Variants in PRKG1 observed in about 807,000 individuals in gnomAD.
PRKG1 encodes protein kinase cGMP-dependent 1.
Under a neutral mutation model 88.1 loss-of-function variants are expected in PRKG1, and 35 were observed. That is an observed-to-expected ratio of 0.40 (90% CI 0.30 to 0.53). The LOEUF (loss-of-function observed/expected upper bound fraction) is 0.53. PRKG1 is among the 20% of genes least tolerant of loss of function. The pLI is 0.59. For synonymous variants in PRKG1, 303 were observed against 292.5 expected (o/e 1.04, Z -0.37); for missense variants, 540 against 839.8 (o/e 0.64, Z 4.41).
At chr10:51,527,834 A>C (rs1231367212) in intron 3 of PRKG1, among the ~76,000 whole-genome samples, 3 of 152,078 alleles carry the variant, frequency 2.0e-5, no homozygotes, top group Non-Finnish European at 2.9e-5. Flanking sequence ...ATTTCAAACA[A>C]CTCCCGGCAA....
At chr10:51,614,557 G>C (rs1447312023) in intron 3 of PRKG1, among the ~76,000 whole-genome samples, 1 of 151,854 alleles carries the variant, frequency 6.6e-6, no homozygotes, top group South Asian at 2.1e-4. Flanking sequence ...ATGAGATTTT[G>C]TTTCTATCAT....
intron 4 of PRKG1, among the ~76,000 whole-genome samples, chr10:51,826,331 G>A (rs1205930669): frequency 6.6e-6 from 1 of 152,112 alleles, no homozygotes; most frequent in Non-Finnish European, 1.5e-5. Context: ...CCCATGCTGT[G>A]CATACATTTT....
chr10:51,494,137 T>C (rs1840786111), intron 3 of PRKG1, among the ~76,000 whole-genome samples: 1 of 152,182 alleles, frequency 6.6e-6, no homozygotes, highest in Non-Finnish European at 1.5e-5. Flanking sequence ...CATAGCTCAC[T>C]GCACCCTTGA....
intron 2 of PRKG1, among the ~76,000 whole-genome samples, chr10:51,334,490 C>T (rs993357957): frequency 2.0e-5 from 3 of 152,068 alleles, no homozygotes; most frequent in Non-Finnish European, 4.4e-5. Flanking sequence ...TGAAGAGATT[C>T]GTAATTAATG....
chr10:51,855,545 G>A (rs1024297937), intron 4 of PRKG1, among the ~76,000 whole-genome samples: 4 of 152,160 alleles, frequency 2.6e-5, no homozygotes, highest in African/African-American at 9.6e-5. Context: ...CATTCTCTCA[G>A]TCCAAGCAAG....
chr10:51,070,219 C>A (rs1032041458), upstream of PRKG1, among the ~76,000 whole-genome samples: 1 of 152,034 alleles, frequency 6.6e-6, no homozygotes, highest in Non-Finnish European at 1.5e-5. Context: ...TCTGTGACTC[C>A]ATTTTCTCTA....
intron 2 of PRKG1, among the ~76,000 whole-genome samples, chr10:51,466,903 A>G (rs1839921341): frequency 6.6e-6 from 1 of 152,028 alleles, no homozygotes; most frequent in Non-Finnish European, 1.5e-5. Context: ...ATAGGAGAGG[A>G]GAAGTCAGTC....
chr10:51,648,641 G>A (rs368973994), intron 3 of PRKG1, among the ~76,000 whole-genome samples: 33 of 152,026 alleles, frequency 2.2e-4, no homozygotes, highest in African/African-American at 6.8e-4. Context: ...AATTTGCTCT[G>A]TAAATATTTT....
intron 3 of PRKG1, among the ~76,000 whole-genome samples, chr10:51,619,259 A>C (rs1271311287): frequency 6.6e-6 from 1 of 152,182 alleles, no homozygotes; most frequent in African/African-American, 2.4e-5. Context: ...TGAAGAAATC[A>C]ATGTCCCAAG....
chr10:51,478,071 C>T (rs1294760877), intron 3 of PRKG1, among the ~76,000 whole-genome samples: 1 of 151,968 alleles, frequency 6.6e-6, no homozygotes, highest in East Asian at 1.9e-4. Context: ...GTCCCATAGT[C>T]CTGTTGCCAT....
At chr10:51,529,527 C>T (rs1841963085) in intron 3 of PRKG1, among the ~76,000 whole-genome samples, 1 of 152,126 alleles carries the variant, frequency 6.6e-6, no homozygotes, top group South Asian at 2.1e-4. Flanking sequence ...CCCATCTTTC[C>T]AATCCTTGGT....
chr10:51,159,126 A>G (rs1846295495), intron 2 of PRKG1, among the ~76,000 whole-genome samples: 2 of 152,064 alleles, frequency 1.3e-5, no homozygotes, highest in African/African-American at 4.8e-5. Context: ...TACAAGTTCT[A>G]TTTTCCCTCC....
intron 2 of PRKG1, among the ~76,000 whole-genome samples, chr10:51,371,575 G>C (rs1394517162): frequency 6.6e-6 from 1 of 152,088 alleles, no homozygotes; most frequent in Non-Finnish European, 1.5e-5. Context: ...TCCTCTTTCT[G>C]AGTTACTTTC....
chr10:51,073,369 T>C (rs1843864052), upstream of PRKG1, among the ~76,000 whole-genome samples: 1 of 152,156 alleles, frequency 6.6e-6, no homozygotes, highest in South Asian at 2.1e-4. Context: ...TCCTGGCCAT[T>C]CAAGTGGAAA....
At chr10:52,252,176 A>G (rs541432025) in intron 10 of PRKG1, 1 of 153,738 alleles carries the variant, frequency 6.5e-6, no homozygotes, top group South Asian at 2.0e-4. Flanking sequence ...TGAATATTTT[A>G]TATAGTTTAT....
rs375518580 is a variant in PRKG1 at position 51,834,012 on chromosome 10, G to A, written c.698+29322G>A. The stretch of plus-strand genomic sequence containing the variant: ...ATATAATGTCCTCTAGGTTCATTCA[G>A]GTCATCACAAATGACAGAATTTCCT... On this transcript the variant is annotated intron_variant, in intron 4 of 17. Coordinates refer to ENST00000373980, the MANE Select transcript of PRKG1 (RefSeq NM_006258.4). 2.3e-4 allele frequency among the ~76,000 whole-genome samples: 35 copies of A among 152,184 alleles called. 1 individual carries two copies. The East Asian group carries it at 6.6e-3, about 29-fold the overall frequency.
intron 2 of PRKG1, among the ~76,000 whole-genome samples, chr10:51,222,724 G>A (rs1353290344): frequency 6.6e-6 from 1 of 151,984 alleles, no homozygotes; most frequent in African/African-American, 2.4e-5. Flanking sequence ...TTATATTAGG[G>A]TGGCCACCAT....
At position 52,295,938 on chromosome 10, in the gene PRKG1, C is replaced by T. The variant is rs2132472533; in HGVS notation, c.*2038C>T. 6.6e-6 allele frequency: 1 copy of T among 151,730 alleles called. No homozygotes were observed. Among genetic ancestry groups the T allele is most frequent in the East Asian group, 1.9e-4 (1 of 5,174 alleles). The allele number at this position is 151,730 out of a possible 1,614,324, so 9.4% of individuals were successfully genotyped here. ...ACAATTTCTCCAAATTGGTCTATTC[C>T]CCAAGATATCCACTGTTTTCTACAG... On this transcript the variant is annotated 3_prime_UTR_variant, in exon 18 of 18. Transcript: ENST00000373980.
At chr10:52,146,574 A>T (rs963882376) in intron 8 of PRKG1, among the ~76,000 whole-genome samples, 3 of 152,226 alleles carry the variant, frequency 2.0e-5, no homozygotes, top group South Asian at 2.1e-4. Flanking sequence ...GTAAGTAAAG[A>T]AATGGTATTT....
Sources: allele counts gnomAD v4.1 joint callset (sites outside exome capture counted in the v4.1 genomes callset), GRCh38; gene constraint gnomAD v4.1.1; transcripts MANE v1.5; gene names NCBI Gene and HGNC (gene_info 2026-07-23, HGNC 2026-07-21).